Variants in GRTP1 observed in about 807,000 individuals in gnomAD.
GRTP1 encodes the protein growth hormone-regulated TBC protein 1.
A neutral mutation model predicts 38.1 loss-of-function variants in GRTP1; 56 were observed. That is an observed-to-expected ratio of 1.47 (90% CI 1.19 to 1.84). The LOEUF is 1.84. Ranked by LOEUF, GRTP1 falls within the 40% of genes most tolerant of loss-of-function variation. The pLI, the probability that GRTP1 is intolerant of heterozygous loss-of-function variation, is 0.00. For missense variants in GRTP1, 506 were observed against 453.9 expected, an observed-to-expected ratio of 1.11 and a Z score of -1.04; for synonymous variants, 217 against 189.5, an observed-to-expected ratio of 1.14 and a Z score of -1.19.
In GRTP1 at chr13:113,342,710, G is replaced by C. The variant is rs190643777; in HGVS notation, c.562+2153C>G. 1.2e-3 allele frequency among the ~76,000 whole-genome samples: 186 copies of C among 152,258 alleles called. 3 individuals carry two copies. Among genetic ancestry groups the C allele is most frequent in the African/African-American group, 4.2e-3 (176 of 41,562 alleles). Reference sequence around the variant, plus strand: ...CCTACTTCGGTCACTGTAACTTAGAGAAGGACATATATTTGCCTCTTTTCT... The same window carrying C: ...CCTACTTCGGTCACTGTAACTTAGACAAGGACATATATTTGCCTCTTTTCT... On this transcript the variant is annotated intron_variant, in intron 5 of 7. Coordinates refer to ENST00000375431, the MANE Select transcript of GRTP1 (RefSeq NM_024719.4). The surrounding 1 kb of genome is among the most constrained non-coding windows in gnomAD (Gnocchi z 4.5).
rs201567882 is a variant in GRTP1 at position 113,357,480 on chromosome 13, CCT to C, written c.182-2001_182-2000del. Among the ~76,000 whole-genome samples the C allele has an allele frequency of 4.2e-5, 6 of 142,754 alleles. No individual in the cohort carries two copies. In the East Asian group the frequency reaches 1.2e-3, roughly 29 times the overall value. 93.7% of individuals were successfully genotyped at this position (142,754 alleles called of 152,430 possible). On this transcript the variant is annotated intron_variant, in intron 2 of 7. Transcript: ENST00000375431. ...AAAAAAAGAATCCCTCTTAAGAAACCCTCTTTCTGGTTTAGAAACATATTTGA... is the reference window on the plus strand; with the variant it reads ...AAAAAAAGAATCCCTCTTAAGAAACCCTTTCTGGTTTAGAAACATATTTGA...
At chr13:113,352,270 T>TTATATATA (rs1555318940) in intron 3 of GRTP1, among the ~76,000 whole-genome samples, 8 of 33,936 alleles carry the variant, frequency 2.4e-4, no homozygotes, top group South Asian at 1.7e-3. Flanking sequence ...ATTTTTATAT[T>TTATATATA]TTTATATATA....
chr13:113,328,531 A>AT (rs56978563), intron 5 of GRTP1, among the ~76,000 whole-genome samples: 2 of 152,116 alleles, frequency 1.3e-5, no homozygotes, highest in Non-Finnish European at 2.9e-5. Context: ...GACTCAAACA[A>AT]TTTTTTGAGA....
chr13:113,349,145 G>A lies in GRTP1; in HGVS notation c.465+1704C>T, dbSNP rs904392837. The stretch of plus-strand genomic sequence containing the variant: ...CCTGCCTTGACCTCCCAAAGTGCAT[G>A]ATTATAGGCAAGGGCCACCCAGGTG... On this transcript the variant is annotated intron_variant, in intron 4 of 7. Transcript: ENST00000375431. This position sits in a 1 kb window ranked among gnomAD's most constrained non-coding sequence, Gnocchi z 5.0. Among the ~76,000 whole-genome samples the A allele has an allele frequency of 6.6e-6, 1 of 151,426 alleles. No homozygotes were observed. The highest frequency in any genetic ancestry group is 1.5e-5 in the Non-Finnish European group (1 of 67,878).
rs1247976396 is a variant in GRTP1 at position 113,343,823 on chromosome 13, AGCAC to A, written c.562+1036_562+1039del. Among the ~76,000 whole-genome samples the A allele has an allele frequency of 6.6e-6, 1 of 152,130 alleles. No individual in the cohort carries two copies. The highest frequency in any genetic ancestry group is 1.5e-5 in the Non-Finnish European group (1 of 68,020). ...CACGTCTCCTCTGCCCTGCAGGATG[AGCAC>A]GCAGCCCCCTTGACCCAGCACCACA... On this transcript the variant is annotated intron_variant, in intron 5 of 7. Coordinates refer to ENST00000375431, the MANE Select transcript of GRTP1 (RefSeq NM_024719.4). This position sits in a 1 kb window ranked among gnomAD's most constrained non-coding sequence, Gnocchi z 4.8.
In GRTP1 at chr13:113,355,416, C is replaced by A; in HGVS notation, c.247G>T (p.Gly83Trp). 1 of 1,614,110 alleles carries A rather than the reference C, an allele frequency of 6.2e-7. No homozygotes were observed. ...HRARVWMVLSGAQAQMDQNPG... is the reference protein window; with the variant it reads ...HRARVWMVLSWAQAQMDQNPG... ...TTCTGGTCCATCTGCGCCTGGGCCC[C>A]ACTCAGCACCATCCAGACGCGGGCA... Residue 83 changes from glycine (G) to tryptophan (W), a missense_variant, in exon 3 of 8, where the codon GGG becomes TGG. Transcript: ENST00000375431.
At chr13:113,362,393 A>G (rs2139550422) in intron 2 of GRTP1, among the ~76,000 whole-genome samples, 1 of 152,336 alleles carries the variant, frequency 6.6e-6, no homozygotes. Context: ...TCCACTGGAA[A>G]CATGTGAACA....
intron 3 of GRTP1, among the ~76,000 whole-genome samples, chr13:113,353,608 G>A (rs1214556586): frequency 2.6e-5 from 4 of 152,058 alleles, no homozygotes; most frequent in Admixed American, 1.3e-4. Context: ...AAGGACACGG[G>A]GGTCGGTGCT....
rs747465303 is a variant in GRTP1 at position 113,363,801 on chromosome 13, G to A, written c.142C>T (p.Arg48Trp). 1.2e-6 allele frequency: 2 copies of A among 1,611,174 alleles called. No homozygotes were observed. The highest frequency in any genetic ancestry group is 2.2e-5 in the East Asian group (1 of 44,774). Residue 48 changes from arginine (R) to tryptophan (W), a missense_variant, in exon 2 of 8, where the codon CGG becomes TGG. Arg to Trp is a moderately radical substitution (Grantham distance 101, BLOSUM62 -3). Coordinates refer to ENST00000375431, the MANE Select transcript of GRTP1 (RefSeq NM_024719.4). ...GGGACGCCCCCGCCCTGCAGCAGCC[G>A]GGACCATTTGATCGCCCTGCGGGTG... ...TLTRRAIKWS[R>W]LLQGGGVPRS...
intron 5 of GRTP1, among the ~76,000 whole-genome samples, chr13:113,327,895 G>A (rs1486862486): frequency 6.6e-6 from 1 of 152,214 alleles, no homozygotes; most frequent in Non-Finnish European, 1.5e-5. Flanking sequence ...CCTGACCTTG[G>A]CCCCAGACAC....
intron 2 of GRTP1, among the ~76,000 whole-genome samples, chr13:113,358,256 T>C (rs955493487): frequency 6.6e-6 from 1 of 152,048 alleles, no homozygotes; most frequent in Non-Finnish European, 1.5e-5. Context: ...AAAGGAGAAA[T>C]ACTTAGGTAA....
intron 1 of GRTP1, 46 bp downstream of exon 1, chr13:113,363,974 G>A (rs766789079): frequency 1.6e-4 from 244 of 1,543,084 alleles, no homozygotes; most frequent in Non-Finnish European, 2.0e-4. Flanking sequence ...GCGGGCCCGC[G>A]CGGGGACCGC....
chr13:113,362,472 A>T (rs1233983264), intron 2 of GRTP1, among the ~76,000 whole-genome samples: 2 of 152,172 alleles, frequency 1.3e-5, no homozygotes, highest in South Asian at 2.1e-4. Flanking sequence ...TTCCATCTCT[A>T]TAAAAAATTT....
chr13:113,329,538 C>T (rs2042826827), intron 5 of GRTP1, among the ~76,000 whole-genome samples: 1 of 152,074 alleles, frequency 6.6e-6, no homozygotes, highest in Non-Finnish European at 1.5e-5. Flanking sequence ...GAGCCGAGAT[C>T]GTGCCACTGC....
chr13:113,324,769 C>G, intron 7 of GRTP1, 192 bp from the exon 8 acceptor site: 1 of 1,347,410 alleles, frequency 7.4e-7, no homozygotes, highest in Non-Finnish European at 9.5e-7. Flanking sequence ...TGCAGCTTTG[C>G]TGCTCAGAAA....
chr13:113,334,309 G>A (rs940401267), intron 5 of GRTP1, among the ~76,000 whole-genome samples: 9 of 122,826 alleles, frequency 7.3e-5, no homozygotes, highest in Non-Finnish European at 8.6e-5. Context: ...GCACTGCTAC[G>A]ACAGCCTCCC....
At position 113,345,471 on chromosome 13, in the gene GRTP1, C is replaced by G. The variant is rs2043088287; in HGVS notation, c.466-512G>C. Among the ~76,000 whole-genome samples the G allele has an allele frequency of 2.0e-5, 3 of 152,354 alleles. No homozygotes were observed. The South Asian group carries it at 6.2e-4, about 32-fold the overall frequency. On this transcript the variant is annotated intron_variant, in intron 4 of 7. Coordinates refer to ENST00000375431, the MANE Select transcript of GRTP1 (RefSeq NM_024719.4). ...CTGCCTCCAACATCACGTATGTGAC[C>G]CTCTCCATCGAGGGCAGCCCCAGAC...
rs898181819 is a variant in GRTP1, at chr13:113,349,747, C to T, written c.465+1102G>A. Among the ~76,000 whole-genome samples, 2 of 152,196 alleles carry T rather than the reference C, an allele frequency of 1.3e-5. No homozygotes were observed. The highest frequency in any genetic ancestry group is 3.9e-4 in the East Asian group (2 of 5,186). ...TCGGGAGCATTCACTCTGCCAGGTG[C>T]CAGGCCCAGGGCTGTCCAGGCAGGG... is the stretch of plus-strand genomic sequence containing the variant. On this transcript the variant is annotated intron_variant, in intron 4 of 7. Transcript: ENST00000375431. The surrounding 1 kb of genome is among the most constrained non-coding windows in gnomAD (Gnocchi z 5.0).
intron 5 of GRTP1, among the ~76,000 whole-genome samples, chr13:113,331,557 C>T (rs1272480807): frequency 1.3e-5 from 2 of 151,264 alleles, no homozygotes; most frequent in African/African-American, 2.4e-5. Context: ...AAGACTTCGG[C>T]GTGGCACAGC....
Sources: allele counts gnomAD v4.1 joint callset (sites outside exome capture counted in the v4.1 genomes callset), GRCh38; gene constraint gnomAD v4.1.1; non-coding constraint Gnocchi (gnomAD v3.1); transcripts MANE v1.5; gene names NCBI Gene and HGNC (gene_info 2026-07-23, HGNC 2026-07-21).